The following GFRA1 variants were observed in gnomAD, a reference collection of about 807,000 sequenced individuals.
The protein encoded by GFRA1 is GDNF family receptor alpha 1.
In GFRA1, 16 loss-of-function variants were observed where a neutral mutation model predicts 51.6. That is an observed-to-expected ratio of 0.31 (90% confidence interval 0.21 to 0.47). GFRA1 has a LOEUF of 0.47. Among genes scored for constraint, GFRA1 ranks in the 20% least tolerant of loss-of-function variants. The pLI, the probability that GFRA1 is intolerant of heterozygous loss-of-function variation, is 1.00. For synonymous variants in GFRA1, 270 were observed against 241.3 expected (o/e 1.12, Z -1.10); for missense variants, 530 against 594.3 (o/e 0.89, Z 1.13).
At chr10:116,219,668 T>A (rs76991869) in intron 4 of GFRA1, among the ~76,000 whole-genome samples, 12,658 of 152,250 alleles carry the variant, frequency 0.083, 743 homozygotes, top group East Asian at 0.26. Flanking sequence ...TAAACTTCTA[T>A]CATTGGATAT....
chr10:116,205,926 T>TCACACACACACACACACA (rs55780139), intron 5 of GFRA1, among the ~76,000 whole-genome samples: 8 of 142,584 alleles, frequency 5.6e-5, no homozygotes, highest in East Asian at 2.2e-4. Context: ...TTTCCTCATA[T>TCACACACACACACACACA]CACACACACA....
At chr10:116,255,496 AAAAAAAAAAAC>A in intron 4 of GFRA1, 2 of 629,498 alleles carry the variant, frequency 3.2e-6, no homozygotes, top group Non-Finnish European at 4.2e-6. Context: ...AATCATCAGG[AAAAAAAAAAAC>A]AAAAAAAAAA....
intron 9 of GFRA1, among the ~76,000 whole-genome samples, chr10:116,069,781 G>A (rs1955291113): frequency 6.6e-6 from 1 of 152,172 alleles, no homozygotes. Context: ...ACGCAGAGAT[G>A]CACACATCAT....
chr10:116,212,294 C>A (rs1190690205), intron 4 of GFRA1, among the ~76,000 whole-genome samples: 1 of 151,752 alleles, frequency 6.6e-6, no homozygotes, highest in African/African-American at 2.4e-5. Context: ...CTGAGGCAGG[C>A]GGATCACCTG....
At position 116,193,807 on chromosome 10, in the gene GFRA1, C is replaced by G. The variant is rs903274221; in HGVS notation, c.433+17824G>C. Among the ~76,000 whole-genome samples, 6 of 152,020 alleles carry G rather than the reference C, an allele frequency of 3.9e-5. 1 individual carries two copies. Among genetic ancestry groups the G allele is most frequent in the East Asian group, 3.9e-4 (2 of 5,174 alleles). On this transcript the variant is annotated intron_variant, in intron 5 of 10. Transcript: ENST00000355422. Reference sequence around the variant, plus strand: ...GCGCGGTGGCTCATGCCTGTAATCCCAGCACTTTGGGAGGCCTAGGCGGGT... The same window carrying G: ...GCGCGGTGGCTCATGCCTGTAATCCGAGCACTTTGGGAGGCCTAGGCGGGT...
intron 4 of GFRA1, among the ~76,000 whole-genome samples, chr10:116,253,050 T>C (rs369825929): frequency 3.9e-5 from 6 of 152,330 alleles, no homozygotes; most frequent in African/African-American, 1.4e-4. Flanking sequence ...CAATACAGAC[T>C]ATGTTTGAGT....
In GFRA1 at chr10:116,271,124, C is replaced by CA. The variant is rs1218375540; in HGVS notation, c.41-10dup. The CA allele has an allele frequency of 6.3e-7, 1 of 1,598,076 alleles. No homozygotes were observed. The highest frequency in any genetic ancestry group is 8.6e-7 in the Non-Finnish European group (1 of 1,167,956). On this transcript the variant is annotated splice_polypyrimidine_tract_variant and intron_variant, in intron 2 of 10. Transcript: ENST00000355422. ...GGCCGACAGGAGCAAGTCTGCGGGG[C>CA]AGAGGGGAGGGAGCCTGAGTGCGGC...
At chr10:116,163,674 C>T (rs905439680) in intron 5 of GFRA1, among the ~76,000 whole-genome samples, 4 of 152,174 alleles carry the variant, frequency 2.6e-5, no homozygotes, top group African/African-American at 9.7e-5. Flanking sequence ...GAACACAGTC[C>T]CTTCTCGCAC....
rs1417930267 is a variant in GFRA1, at chr10:116,235,705, A to G, written c.419-24060T>C. On this transcript the variant is annotated intron_variant, in intron 4 of 10. Transcript: ENST00000355422. ...GAAGCCCTAACCCCAATGTGATGGTATTTGGAAGTGGAGCCTTTCGGCAGT... is the reference window on the plus strand; with the variant it reads ...GAAGCCCTAACCCCAATGTGATGGTGTTTGGAAGTGGAGCCTTTCGGCAGT... Among the ~76,000 whole-genome samples the G allele has an allele frequency of 2.6e-5, 4 of 152,108 alleles. No homozygotes were observed. In the East Asian group the frequency reaches 7.7e-4, roughly 29 times the overall value.
chr10:116,174,628 G>C (rs942934376), intron 5 of GFRA1, among the ~76,000 whole-genome samples: 1 of 151,978 alleles, frequency 6.6e-6, no homozygotes, highest in Admixed American at 6.5e-5. Context: ...CTACCAAATG[G>C]GTTAGATTTT....
chr10:116,191,627 C>A (rs1963274551), intron 5 of GFRA1, among the ~76,000 whole-genome samples: 1 of 152,148 alleles, frequency 6.6e-6, no homozygotes, highest in South Asian at 2.1e-4. Context: ...CTCCAAATAT[C>A]CTCAAAACAT....
chr10:116,201,871 G>A (rs1486729840), intron 5 of GFRA1, among the ~76,000 whole-genome samples: 1 of 152,040 alleles, frequency 6.6e-6, no homozygotes, highest in African/African-American at 2.4e-5. Flanking sequence ...ACAAAACAGA[G>A]AAAGATTTTT....
upstream of GFRA1, among the ~76,000 whole-genome samples, chr10:116,274,630 G>C (rs1328410861): frequency 6.6e-6 from 1 of 152,072 alleles, no homozygotes; most frequent in Non-Finnish European, 1.5e-5. Flanking sequence ...GCCTCGGGGC[G>C]CGCCCCAAAC....
chr10:116,100,775 G>A (rs2694778), intron 6 of GFRA1, among the ~76,000 whole-genome samples: 149,460 of 152,268 alleles, frequency 0.98, 73,409 homozygotes, highest in East Asian at 1. Flanking sequence ...AGGGGAAGGG[G>A]TGGTTCCCTA....
intron 5 of GFRA1, among the ~76,000 whole-genome samples, chr10:116,195,772 T>C (rs1963687271): frequency 6.6e-6 from 1 of 152,184 alleles, no homozygotes. Context: ...TCCTGCCTGG[T>C]TCCCAGCAAT....
Position 116,064,665 on chromosome 10 carries a change from A to AT in GFRA1, c.1252-122dup, listed in dbSNP as rs1326417803. On this transcript the variant is annotated intron_variant, in intron 10 of 10. Coordinates refer to ENST00000355422, the MANE Select transcript of GFRA1 (RefSeq NM_005264.8). ...GACCCACTCACCAAAGCTGACCAAG[A>AT]TTTTACCACTGAGACTTACATTCAC... 3.4e-5 allele frequency: 29 copies of AT among 851,984 alleles called. No individual in the cohort carries two copies. In the African/African-American group the frequency reaches 4.7e-4, roughly 14 times the overall value. 52.8% of individuals were successfully genotyped at this position (851,984 alleles called of 1,614,324 possible).
chr10:116,158,479 G>T (rs890701262), intron 5 of GFRA1, among the ~76,000 whole-genome samples: 3 of 152,198 alleles, frequency 2.0e-5, no homozygotes, highest in African/African-American at 4.8e-5. Context: ...AACTCTGCAG[G>T]CCCAAAGAGA....
intron 5 of GFRA1, among the ~76,000 whole-genome samples, chr10:116,129,669 A>G (rs1355037660): frequency 6.6e-6 from 1 of 152,116 alleles, no homozygotes; most frequent in East Asian, 1.9e-4. Context: ...AGAATCTACA[A>G]AACAACTACT....
In GFRA1 at chr10:116,057,851, T is replaced by G. The variant is rs1954612622; in HGVS notation, c.*6547A>C. On this transcript the variant is annotated 3_prime_UTR_variant, in exon 11 of 11. Transcript: ENST00000355422. Reference sequence around the variant, plus strand: ...ATGGCAGGGCAAACTGATTTGGTTCTGCGATTTCCATTCTCCTCTCCACAT... The same window carrying G: ...ATGGCAGGGCAAACTGATTTGGTTCGGCGATTTCCATTCTCCTCTCCACAT... 1 of 151,922 alleles carries G rather than the reference T, an allele frequency of 6.6e-6. No homozygotes were observed. The highest frequency in any genetic ancestry group is 2.4e-5 in the African/African-American group (1 of 41,370). The allele number at this position is 151,922 out of a possible 1,614,324, so 9.4% of individuals were successfully genotyped here.
Sources: gnomAD v4.1 joint callset for allele counts (sites outside exome capture counted in the v4.1 genomes callset) on GRCh38, gnomAD v4.1.1 for gene constraint, MANE v1.5 for transcripts, NCBI Gene and HGNC (gene_info 2026-07-23, HGNC 2026-07-21) for gene names.